LRRC39: variants seen among roughly 807,000 people sequenced by gnomAD.
The protein encoded by LRRC39 is leucine-rich repeat-containing protein 39.
A neutral mutation model predicts 39.7 loss-of-function variants in LRRC39; 35 were observed. The observed-to-expected ratio is 0.88, with a 90% CI of 0.67 to 1.17. LRRC39 has a LOEUF of 1.17. Ranked by LOEUF, LRRC39 falls within the 50% of genes most tolerant of loss-of-function variation. The pLI is 0.00. For synonymous variants in LRRC39, 113 were observed against 134.1 expected, an observed-to-expected ratio of 0.84 and a Z score of 1.09; for missense variants, 357 against 385.8, an observed-to-expected ratio of 0.93 and a Z score of 0.62.
At chr1:100,172,882 C>T (rs572109676) in intron 2 of LRRC39, among the ~76,000 whole-genome samples, 65 of 151,152 alleles carry the variant, frequency 4.3e-4, no homozygotes, top group Non-Finnish European at 4.4e-4. Flanking sequence ...ATGGCGTGAA[C>T]CTGGGAAGTA....
chr1:100,168,259 G>T, intron 3 of LRRC39, 145 bp downstream of exon 3: 1 of 653,932 alleles, frequency 1.5e-6, no homozygotes, highest in Non-Finnish European at 2.5e-6. Flanking sequence ...AATTGAGTCA[G>T]CTGTTTTCTT....
intron 6 of LRRC39, among the ~76,000 whole-genome samples, chr1:100,156,851 G>A (rs1369525181): frequency 6.6e-6 from 1 of 152,108 alleles, no homozygotes; most frequent in Non-Finnish European, 1.5e-5. Flanking sequence ...TGGGCATGGT[G>A]GCACACGACT....
At chr1:100,150,299 G>C (rs976321821) in intron 9 of LRRC39, 1 of 151,954 alleles carries the variant, frequency 6.6e-6, no homozygotes, top group Non-Finnish European at 1.5e-5. Flanking sequence ...TTTTTCCCTT[G>C]TTATAAGTTT....
At chr1:100,163,493 T>A (rs534024429) in intron 3 of LRRC39, among the ~76,000 whole-genome samples, 3 of 151,774 alleles carry the variant, frequency 2.0e-5, no homozygotes, top group Admixed American at 6.6e-5. Context: ...GAGCAAGACA[T>A]CCCCCATCTG....
chr1:100,151,097 C>T (rs1197143929), intron 9 of LRRC39, among the ~76,000 whole-genome samples: 1 of 131,622 alleles, frequency 7.6e-6, no homozygotes, highest in Non-Finnish European at 1.5e-5. Context: ...CCATTGCACT[C>T]TAGCCTGGGC....
chr1:100,156,290 G>A lies in LRRC39; in HGVS notation c.541C>T (p.Leu181Phe), dbSNP rs772205131. ...ELSNLLKLTH[L>F]DLSMNDFTTI... ...GTAAAATCGTTCATACTCAGATCAA[G>A]GTGAGTAAGTTTTAGCAGATTGCTG... is the stretch of plus-strand genomic sequence containing the variant. Residue 181 changes from leucine (L) to phenylalanine (F), a missense_variant, in exon 7 of 10, where the codon CTT becomes TTT. Transcript: ENST00000370137. 1.8e-5 allele frequency: 29 copies of A among 1,611,598 alleles called. No individual in the cohort carries two copies. The South Asian group carries it at 3.1e-4, about 17-fold the overall frequency.
rs187090609 is a variant in LRRC39, at chr1:100,177,690, A to C, written c.-119+445T>G. Among the ~76,000 whole-genome samples, 28 of 152,288 alleles carry C rather than the reference A, an allele frequency of 1.8e-4. No individual in the cohort carries two copies. The East Asian group carries it at 4.8e-3, about 26-fold the overall frequency. On this transcript the variant is annotated intron_variant, in intron 1 of 9. Coordinates refer to ENST00000370137, the MANE Select transcript of LRRC39 (RefSeq NM_144620.4). ...TACATGTATACATGTATTTTAGAAG[A>C]CATGTAAAACAATTCATCCATTTGC...
At chr1:100,170,200 G>A (rs1659503028) in intron 2 of LRRC39, among the ~76,000 whole-genome samples, 1 of 152,144 alleles carries the variant, frequency 6.6e-6, no homozygotes, top group Non-Finnish European at 1.5e-5. Context: ...AATGTTGATA[G>A]AAACAGTATT....
chr1:100,149,341 A>G (rs1423172704), intron 9 of LRRC39: 2 of 1,542,260 alleles, frequency 1.3e-6, no homozygotes, highest in Non-Finnish European at 1.7e-6. Flanking sequence ...CACAATTAAT[A>G]AACACAATTA....
rs1658417275 is a variant in LRRC39 at position 100,155,967 on chromosome 1, C to T, written c.659+205G>A. 2.6e-5 allele frequency among the ~76,000 whole-genome samples: 4 copies of T among 152,214 alleles called. No homozygotes were observed. The South Asian group carries it at 8.3e-4, about 32-fold the overall frequency. On this transcript the variant is annotated intron_variant, in intron 7 of 9. Coordinates refer to ENST00000370137, the MANE Select transcript of LRRC39 (RefSeq NM_144620.4). ...CTCTGGGAGGCTGAGGTAGGTGGAT[C>T]ACTTGAAAAAAGCCAGTTTTTTCTT...
chr1:100,172,058 A>C (rs571523618), intron 2 of LRRC39, among the ~76,000 whole-genome samples: 1 of 152,312 alleles, frequency 6.6e-6, no homozygotes, highest in South Asian at 2.1e-4. Flanking sequence ...ATAAACACAC[A>C]CATGTATAAA....
chr1:100,149,106 TACATA>T lies in LRRC39; in HGVS notation c.953-14_953-10del. 1 of 1,597,934 alleles carries T rather than the reference TACATA, an allele frequency of 6.3e-7. No individual in the cohort carries two copies. On this transcript the variant is annotated splice_polypyrimidine_tract_variant and intron_variant, in intron 9 of 9. Transcript: ENST00000370137. ...ACCGTTGACTTGGTGATCTGAAACA[TACATA>T]ACATGTCAACACATAATTAGCGTAT...
chr1:100,176,142 A>C (rs1032590974), intron 1 of LRRC39, among the ~76,000 whole-genome samples: 4 of 152,230 alleles, frequency 2.6e-5, no homozygotes, highest in Non-Finnish European at 4.4e-5. Context: ...ACAATGTTTT[A>C]AAAGCAATAG....
chr1:100,174,745 C>T (rs1200141820), intron 1 of LRRC39, among the ~76,000 whole-genome samples: 4 of 152,110 alleles, frequency 2.6e-5, no homozygotes, highest in African/African-American at 7.2e-5. Flanking sequence ...ATCTTGATGT[C>T]CTTAAAGTAG....
chr1:100,153,355 A>G (rs1229990677), intron 8 of LRRC39, among the ~76,000 whole-genome samples: 1 of 152,232 alleles, frequency 6.6e-6, no homozygotes, highest in Non-Finnish European at 1.5e-5. Context: ...AAATCCTAGA[A>G]GAAATCCTAG....
upstream of LRRC39, among the ~76,000 whole-genome samples, chr1:100,178,429 A>T (rs1343956105): frequency 6.6e-6 from 1 of 152,202 alleles, no homozygotes; most frequent in Non-Finnish European, 1.5e-5. Flanking sequence ...CTTGAAAAAT[A>T]ATGCCTATTC....
chr1:100,154,809 G>C (rs549520914), intron 8 of LRRC39, among the ~76,000 whole-genome samples: 1 of 152,266 alleles, frequency 6.6e-6, no homozygotes, highest in Non-Finnish European at 1.5e-5. Flanking sequence ...TAAAATGGAA[G>C]ACATTTCTTA....
At chr1:100,162,026 G>T (rs1194193424) in intron 3 of LRRC39, among the ~76,000 whole-genome samples, 1 of 152,088 alleles carries the variant, frequency 6.6e-6, no homozygotes, top group Non-Finnish European at 1.5e-5. Context: ...GGCATATCAA[G>T]GTTCTGATTT....
intron 3 of LRRC39, among the ~76,000 whole-genome samples, chr1:100,164,388 G>A (rs1659096206): frequency 6.6e-6 from 1 of 152,308 alleles, no homozygotes; most frequent in Non-Finnish European, 1.5e-5. Flanking sequence ...TTGCAGAACA[G>A]CAGCATCATT....
Sources: allele counts gnomAD v4.1 joint callset (sites outside exome capture counted in the v4.1 genomes callset), GRCh38; gene constraint gnomAD v4.1.1; transcripts MANE v1.5; gene names NCBI Gene and HGNC (gene_info 2026-07-23, HGNC 2026-07-21).